CNTN4: variants seen among roughly 807,000 people sequenced by gnomAD.
The protein encoded by CNTN4 is contactin 4.
A neutral mutation model predicts 122.5 loss-of-function variants in CNTN4; 77 were observed. The ratio of observed to expected loss-of-function variants is 0.63; its 90% confidence interval spans 0.52 to 0.76. The LOEUF (loss-of-function observed/expected upper bound fraction) is 0.76. Ranked by LOEUF, CNTN4 falls within the 30% of genes least tolerant of loss-of-function variation. The probability of loss-of-function intolerance (pLI) is 0.00; values close to 1 mark genes in which losing one functional copy is unlikely to be tolerated. For missense variants in CNTN4, 1,256 were observed against 1,259.1 expected (o/e 1.00, Z 0.04); for synonymous variants, 512 against 447.0 (o/e 1.15, Z -1.83).
intron 3 of CNTN4, among the ~76,000 whole-genome samples, chr3:2,479,517 G>A (rs138429404): frequency 2.6e-3 from 401 of 152,274 alleles, no homozygotes; most frequent in African/African-American, 9.0e-3. Context: ...AAACTTAAGC[G>A]GGGAAGGGAA....
chr3:2,398,452 C>T (rs1228778059), intron 3 of CNTN4, among the ~76,000 whole-genome samples: 3 of 151,826 alleles, frequency 2.0e-5, no homozygotes, highest in Admixed American at 6.6e-5. Flanking sequence ...TACTATTGAC[C>T]AACAGCTACT....
chr3:2,254,816 T>G (rs764638188), intron 2 of CNTN4, among the ~76,000 whole-genome samples: 5 of 152,304 alleles, frequency 3.3e-5, no homozygotes, highest in East Asian at 1.9e-4. Context: ...TTACAAAAAT[T>G]TTCTCTCATT....
intron 6 of CNTN4, among the ~76,000 whole-genome samples, chr3:2,796,309 C>T (rs1576825373): frequency 6.6e-6 from 1 of 152,030 alleles, no homozygotes; most frequent in Admixed American, 6.6e-5. Flanking sequence ...TGAAGGTTTT[C>T]TGGAAACCAA....
chr3:2,723,842 G>A (rs1400198195), intron 4 of CNTN4, among the ~76,000 whole-genome samples: 2 of 152,116 alleles, frequency 1.3e-5, no homozygotes, highest in East Asian at 3.9e-4. Flanking sequence ...TAAGTACTTG[G>A]CTCTGATCTT....
intron 2 of CNTN4, among the ~76,000 whole-genome samples, chr3:2,269,840 G>C (rs2041200322): frequency 6.6e-6 from 1 of 152,104 alleles, no homozygotes; most frequent in Non-Finnish European, 1.5e-5. Context: ...TTGTAGTAGA[G>C]CTTTGCATTC....
chr3:2,820,961 C>CTT (rs67731967), intron 7 of CNTN4, among the ~76,000 whole-genome samples: 10,925 of 107,374 alleles, frequency 0.1, 866 homozygotes, highest in Middle Eastern at 0.12. Context: ...TTTTCTCTTT[C>CTT]TTTTTTTTTT....
intron 2 of CNTN4, among the ~76,000 whole-genome samples, chr3:2,111,204 C>T (rs1006648228): frequency 5.9e-5 from 9 of 152,094 alleles, no homozygotes; most frequent in African/African-American, 2.2e-4. Flanking sequence ...GGCTGTAATG[C>T]TTATATACGC....
At chr3:2,263,353 A>G (rs1258297569) in intron 2 of CNTN4, among the ~76,000 whole-genome samples, 1 of 152,122 alleles carries the variant, frequency 6.6e-6, no homozygotes, top group East Asian at 1.9e-4. Flanking sequence ...TATTTTTATC[A>G]TGTGAAATAT....
chr3:2,317,500 G>T (rs908385793), intron 2 of CNTN4, among the ~76,000 whole-genome samples: 1 of 152,060 alleles, frequency 6.6e-6, no homozygotes, highest in Admixed American at 6.6e-5. Flanking sequence ...TGGATTTCGC[G>T]CTCCCTCTCA....
At chr3:2,453,731 GTTAAGACT>G (rs1368122375) in intron 3 of CNTN4, among the ~76,000 whole-genome samples, 1 of 152,150 alleles carries the variant, frequency 6.6e-6, no homozygotes, top group Non-Finnish European at 1.5e-5. Context: ...TGAGAATTCA[GTTAAGACT>G]TTATTTATAA....
chr3:2,778,008 A>G (rs2091399746), intron 6 of CNTN4, among the ~76,000 whole-genome samples: 1 of 151,658 alleles, frequency 6.6e-6, no homozygotes, highest in Admixed American at 6.6e-5. Context: ...AGGTCAGGAG[A>G]TCGAGGCCAT....
chr3:2,776,200 A>G (rs2091308347), intron 6 of CNTN4, among the ~76,000 whole-genome samples: 2 of 151,660 alleles, frequency 1.3e-5, no homozygotes, highest in African/African-American at 4.8e-5. Flanking sequence ...TCTGGGGAAG[A>G]TGAGCAGGAT....
At chr3:3,051,732 G>A (rs867391077) in intron 23 of CNTN4, among the ~76,000 whole-genome samples, 1 of 152,212 alleles carries the variant, frequency 6.6e-6, no homozygotes, top group East Asian at 1.9e-4. Context: ...CCTTGTGTTA[G>A]AGAGATATAA....
At chr3:2,520,176 A>T (rs2077157676) in intron 3 of CNTN4, among the ~76,000 whole-genome samples, 1 of 151,350 alleles carries the variant, frequency 6.6e-6, no homozygotes, top group African/African-American at 2.4e-5. Flanking sequence ...TAACATATTT[A>T]ATATTTTTAT....
chr3:2,159,179 A>G (rs2035848437), intron 2 of CNTN4, among the ~76,000 whole-genome samples: 1 of 152,148 alleles, frequency 6.6e-6, no homozygotes, highest in Non-Finnish European at 1.5e-5. Context: ...ATGCTCCAGA[A>G]TTATACTGTA....
intron 13 of CNTN4, among the ~76,000 whole-genome samples, chr3:2,939,765 G>A (rs6791167): frequency 0.62 from 93,668 of 152,060 alleles, 29,180 homozygotes; most frequent in East Asian, 0.76. Context: ...AACTTCAGTA[G>A]GTGAAGAGTT....
intron 3 of CNTN4, among the ~76,000 whole-genome samples, chr3:2,351,168 A>G (rs1011273524): frequency 1.3e-5 from 2 of 152,200 alleles, no homozygotes; most frequent in East Asian, 1.9e-4. Flanking sequence ...ATAGTTCTCC[A>G]TAATTGGAGA....
chr3:2,108,464 G>A (rs974249676), intron 2 of CNTN4, among the ~76,000 whole-genome samples: 4 of 152,256 alleles, frequency 2.6e-5, no homozygotes, highest in Middle Eastern at 3.4e-3. Flanking sequence ...AACCAGGAAA[G>A]TCTTGATCAA....
At chr3:2,934,283 G>A (rs73805456) in intron 13 of CNTN4, among the ~76,000 whole-genome samples, 3,910 of 152,364 alleles carry the variant, frequency 0.026, 162 homozygotes, top group African/African-American at 0.087. Flanking sequence ...CTAGCATTCT[G>A]TGAAAATATC....
Sources: gnomAD v4.1 joint callset for allele counts (sites outside exome capture counted in the v4.1 genomes callset) on GRCh38, gnomAD v4.1.1 for gene constraint, MANE v1.5 for transcripts, NCBI Gene and HGNC (gene_info 2026-07-23, HGNC 2026-07-21) for gene names.